GCSAML: variants seen among roughly 807,000 people sequenced by gnomAD.
GCSAML encodes the protein germinal center associated signaling and motility like.
In GCSAML, 9 loss-of-function variants were observed where a neutral mutation model predicts 13.0. The ratio of observed to expected loss-of-function variants is 0.69; its 90% CI spans 0.42 to 1.21. The LOEUF is 1.21. Among genes scored for constraint, GCSAML ranks in the 50% most tolerant of loss-of-function variants. The pLI is 0.00. For missense variants in GCSAML, 143 were observed against 153.4 expected (o/e 0.93, Z 0.36); for synonymous variants, 37 against 52.9 (o/e 0.70, Z 1.31).
At chr1:247,551,654 A>T (rs1667780977) in intron 1 of GCSAML, among the ~76,000 whole-genome samples, 1 of 152,226 alleles carries the variant, frequency 6.6e-6, no homozygotes, top group African/African-American at 2.4e-5. Context: ...ATCAGCTGAG[A>T]AAAGGCAGAT....
chr1:247,572,053 A>G (rs1668636769), intron 4 of GCSAML, among the ~76,000 whole-genome samples: 1 of 152,086 alleles, frequency 6.6e-6, no homozygotes, highest in African/African-American at 2.4e-5. Flanking sequence ...CAGCTCCATC[A>G]GGTCATTTAT....
intron 1 of GCSAML, among the ~76,000 whole-genome samples, chr1:247,511,844 T>C (rs188144468): frequency 6.0e-4 from 92 of 152,324 alleles, no homozygotes; most frequent in African/African-American, 2.2e-3. Flanking sequence ...CCCCACTCTC[T>C]TCTGACTTGT....
upstream of GCSAML, among the ~76,000 whole-genome samples, chr1:247,546,747 G>A (rs941061777): frequency 6.6e-6 from 1 of 152,000 alleles, no homozygotes; most frequent in Non-Finnish European, 1.5e-5. Context: ...TTAAATCAAT[G>A]GGTGCATGTT....
chr1:247,550,564 G>A (rs1044573034), intron 1 of GCSAML, among the ~76,000 whole-genome samples: 7 of 152,128 alleles, frequency 4.6e-5, no homozygotes, highest in African/African-American at 1.4e-4. Context: ...GTGAACCCGG[G>A]AGGCGGAGCT....
At chr1:247,524,067 T>C (rs1572296664) in intron 1 of GCSAML, among the ~76,000 whole-genome samples, 1 of 150,070 alleles carries the variant, frequency 6.7e-6, no homozygotes, top group East Asian at 2.0e-4. Context: ...AAACATAAAA[T>C]AGAAAACCAT....
intron 1 of GCSAML, among the ~76,000 whole-genome samples, chr1:247,554,270 C>T (rs1200262090): frequency 6.6e-6 from 1 of 152,020 alleles, no homozygotes; most frequent in African/African-American, 2.4e-5. Context: ...TCATTTTAAG[C>T]CATAATGTTT....
At chr1:247,532,552 G>A in intron 2 of GCSAML, 1 of 1,591,322 alleles carries the variant, frequency 6.3e-7, no homozygotes, top group Non-Finnish European at 8.6e-7. Context: ...TGTGGGAAGA[G>A]CACAGGGCAT....
intron 2 of GCSAML, chr1:247,528,184 C>T (rs1384050393): frequency 1.3e-5 from 2 of 150,560 alleles, no homozygotes; most frequent in African/African-American, 4.9e-5. Flanking sequence ...TTTTTTACTT[C>T]CCCTTCCCCC....
At chr1:247,532,400 C>G in intron 2 of GCSAML, 1 of 1,614,008 alleles carries the variant, frequency 6.2e-7, no homozygotes, top group African/African-American at 1.3e-5. Flanking sequence ...AAGATCGATA[C>G]CATGTAAAAA....
At chr1:247,519,668 G>T (rs1174045393) in intron 1 of GCSAML, among the ~76,000 whole-genome samples, 4 of 152,244 alleles carry the variant, frequency 2.6e-5, no homozygotes, top group Non-Finnish European at 5.9e-5. Flanking sequence ...AGAGGACTAT[G>T]CATGGTAGTG....
chr1:247,517,325 T>C (rs919772781), intron 1 of GCSAML, among the ~76,000 whole-genome samples: 1 of 152,220 alleles, frequency 6.6e-6, no homozygotes, highest in Non-Finnish European at 1.5e-5. Context: ...TCTTGTCTCT[T>C]TCCTATCTAA....
upstream of GCSAML, among the ~76,000 whole-genome samples, chr1:247,544,361 C>T (rs964543828): frequency 6.6e-6 from 1 of 152,124 alleles, no homozygotes; most frequent in South Asian, 2.1e-4. Flanking sequence ...TTATATCCTT[C>T]GAAGTTTCTG....
At chr1:247,532,731 G>C in intron 2 of GCSAML, 1 of 565,038 alleles carries the variant, frequency 1.8e-6, no homozygotes, top group Non-Finnish European at 3.1e-6. Context: ...TTGGTAGGTT[G>C]AGAATACAGG....
chr1:247,521,482 C>T lies in GCSAML; in HGVS notation c.-262-5458C>T, dbSNP rs369751305. Among the ~76,000 whole-genome samples, 250 of 152,302 alleles carry T rather than the reference C, an allele frequency of 1.6e-3. 1 individual carries two copies. The highest frequency in any genetic ancestry group is 5.7e-3 in the African/African-American group (238 of 41,568). ...TCTTGGCTCACTGCAACCTCCCTGCCTGATTCTACTGCCTTAGCCTGCCCA... is the reference window on the plus strand; with the variant it reads ...TCTTGGCTCACTGCAACCTCCCTGCTTGATTCTACTGCCTTAGCCTGCCCA... On this transcript the variant is annotated intron_variant, in intron 1 of 5. Coordinates refer to the GCSAML transcript ENST00000366489.
chr1:247,543,058 A>G (rs1667460057), intron 2 of GCSAML, among the ~76,000 whole-genome samples: 1 of 152,228 alleles, frequency 6.6e-6, no homozygotes, highest in Non-Finnish European at 1.5e-5. Context: ...CAGCGGAGTC[A>G]GCAGGGAGCA....
At chr1:247,534,020 CCTTCCTCACCTT>C (rs1667116204) in intron 2 of GCSAML, 1 of 152,182 alleles carries the variant, frequency 6.6e-6, no homozygotes, top group African/African-American at 2.4e-5. Flanking sequence ...CCACACACCC[CCTTCCTCACCTT>C]CTTCAGGTCA....
intron 2 of GCSAML, among the ~76,000 whole-genome samples, chr1:247,560,100 G>T (rs1191239209): frequency 6.6e-6 from 1 of 152,176 alleles, no homozygotes; most frequent in Non-Finnish European, 1.5e-5. Flanking sequence ...ATGCAGAATT[G>T]TTCCACTGTA....
intron 1 of GCSAML, among the ~76,000 whole-genome samples, chr1:247,549,914 C>T (rs1667708466): frequency 6.6e-6 from 1 of 152,242 alleles, no homozygotes; most frequent in South Asian, 2.1e-4. Context: ...CCTCTGTCCG[C>T]TCTCCCAGTC....
rs1666669281 is a variant in GCSAML at position 247,526,026 on chromosome 1, T to C, written c.-262-914T>C. On this transcript the variant is annotated intron_variant, in intron 1 of 5. Transcript: ENST00000366489. The surrounding 1 kb of genome is among the most constrained non-coding windows in gnomAD (Gnocchi z 4.8). ...ATTTATCTTGAGCTACTAGTCAAGTTTGCAAGGATTTCAATACACATGAAC... is the reference window on the plus strand; with the variant it reads ...ATTTATCTTGAGCTACTAGTCAAGTCTGCAAGGATTTCAATACACATGAAC... The C allele has an allele frequency of 6.6e-6, 1 of 152,224 alleles. No individual in the cohort carries two copies. The highest frequency in any genetic ancestry group is 1.5e-5 in the Non-Finnish European group (1 of 68,038). 9.4% of individuals were successfully genotyped at this position (152,224 alleles called of 1,614,324 possible).
Sources: gnomAD v4.1 joint callset for allele counts (sites outside exome capture counted in the v4.1 genomes callset) on GRCh38, gnomAD v4.1.1 for gene constraint, Gnocchi (gnomAD v3.1) non-coding constraint, MANE v1.5 for transcripts, NCBI Gene and HGNC (gene_info 2026-07-23, HGNC 2026-07-21) for gene names.